Variants in CTNNA3 observed in about 807,000 individuals in gnomAD.
CTNNA3 encodes catenin alpha-3.
Under a neutral mutation model 95.7 loss-of-function variants are expected in CTNNA3, and 76 were observed. The ratio of observed to expected loss-of-function variants is 0.79; its 90% CI spans 0.66 to 0.96. The LOEUF is 0.96. Among genes scored for constraint, CTNNA3 ranks in the 40% least tolerant of loss-of-function variants. The probability of loss-of-function intolerance (pLI) is 0.00; values close to 1 mark genes in which losing one functional copy is unlikely to be tolerated. For missense variants in CTNNA3, 1,191 were observed against 1,089.8 expected (o/e 1.09, Z -1.31); for synonymous variants, 431 against 374.4 (o/e 1.15, Z -1.74).
intron 7 of CTNNA3, among the ~76,000 whole-genome samples, chr10:66,963,071 G>A (rs1456873593): frequency 6.6e-6 from 1 of 152,078 alleles, no homozygotes; most frequent in Non-Finnish European, 1.5e-5. Flanking sequence ...ACTTCTACTT[G>A]CCAAAACTAT....
At chr10:67,761,455 A>G (rs1474041630) in intron 1 of CTNNA3, among the ~76,000 whole-genome samples, 1 of 152,190 alleles carries the variant, frequency 6.6e-6, no homozygotes, top group Non-Finnish European at 1.5e-5. Flanking sequence ...ACTGCTCCCA[A>G]TCACATGCCC....
intron 13 of CTNNA3, among the ~76,000 whole-genome samples, chr10:66,115,914 C>G (rs545504812): frequency 2.6e-5 from 4 of 152,032 alleles, no homozygotes; most frequent in Non-Finnish European, 5.9e-5. Flanking sequence ...TAATTCAGAT[C>G]TATATTAGAC....
chr10:67,336,846 G>A (rs1842012768), intron 5 of CTNNA3, among the ~76,000 whole-genome samples: 1 of 152,122 alleles, frequency 6.6e-6, no homozygotes, highest in Non-Finnish European at 1.5e-5. Context: ...TTTGTTTATG[G>A]CATGGTATAC....
chr10:67,411,479 G>A (rs1383100814), intron 5 of CTNNA3, among the ~76,000 whole-genome samples: 1 of 152,000 alleles, frequency 6.6e-6, no homozygotes, highest in Non-Finnish European at 1.5e-5. Flanking sequence ...TTGGCTCTGT[G>A]TAGCAGCCCA....
chr10:66,015,121 A>AATC (rs2079069962), intron 15 of CTNNA3, among the ~76,000 whole-genome samples: 1 of 151,282 alleles, frequency 6.6e-6, no homozygotes, highest in Admixed American at 6.6e-5. Flanking sequence ...TAATAATAAT[A>AATC]ATAAAATAAA....
At chr10:67,427,426 A>T (rs935598960) in intron 5 of CTNNA3, among the ~76,000 whole-genome samples, 10 of 152,068 alleles carry the variant, frequency 6.6e-5, no homozygotes, top group Non-Finnish European at 1.5e-5. Flanking sequence ...GTTTGATATC[A>T]TTAAATAGCA....
intron 11 of CTNNA3, among the ~76,000 whole-genome samples, chr10:66,446,341 T>C (rs2093421196): frequency 6.6e-6 from 1 of 151,952 alleles, no homozygotes; most frequent in East Asian, 1.9e-4. Context: ...AGCATCATCC[T>C]GATACCAAAG....
chr10:66,736,405 C>T (rs889930856), intron 9 of CTNNA3, among the ~76,000 whole-genome samples: 1 of 151,496 alleles, frequency 6.6e-6, no homozygotes, highest in African/African-American at 2.4e-5. Flanking sequence ...GTTGCCCAGG[C>T]TGGTCTCGAA....
At chr10:67,193,648 A>G (rs923867914) in intron 6 of CTNNA3, among the ~76,000 whole-genome samples, 2 of 152,046 alleles carry the variant, frequency 1.3e-5, no homozygotes, top group Non-Finnish European at 2.9e-5. Flanking sequence ...AGCTCCATCC[A>G]TGTTCCTGCA....
chr10:66,816,465 T>C (rs1242803635), intron 7 of CTNNA3, among the ~76,000 whole-genome samples: 2 of 151,884 alleles, frequency 1.3e-5, no homozygotes, highest in Non-Finnish European at 2.9e-5. Flanking sequence ...AAGATACCAA[T>C]AGAATGAAAG....
intron 7 of CTNNA3, among the ~76,000 whole-genome samples, chr10:67,121,373 T>C (rs770266607): frequency 6.6e-6 from 1 of 152,006 alleles, no homozygotes; most frequent in Non-Finnish European, 1.5e-5. Flanking sequence ...CAAAACCAAT[T>C]TGATAGAGAA....
At chr10:67,587,613 C>CT (rs780546711) in intron 3 of CTNNA3, among the ~76,000 whole-genome samples, 27 of 152,048 alleles carry the variant, frequency 1.8e-4, no homozygotes, top group Non-Finnish European at 3.5e-4. Context: ...TGACTAGGGG[C>CT]TTTTCTCTTG....
intron 13 of CTNNA3, among the ~76,000 whole-genome samples, chr10:66,200,253 G>A (rs2087310711): frequency 6.6e-6 from 1 of 150,954 alleles, no homozygotes; most frequent in African/African-American, 2.4e-5. Context: ...GGGAGGGGAG[G>A]AGAGGGAAGG....
chr10:67,439,921 T>C (rs1589291495), intron 5 of CTNNA3, among the ~76,000 whole-genome samples: 1 of 152,134 alleles, frequency 6.6e-6, no homozygotes, highest in Non-Finnish European at 1.5e-5. Flanking sequence ...GTGGGAACTA[T>C]GGTGAAAAAT....
chr10:66,582,646 T>C (rs1212849721), intron 10 of CTNNA3, among the ~76,000 whole-genome samples: 2 of 151,848 alleles, frequency 1.3e-5, no homozygotes, highest in Non-Finnish European at 2.9e-5. Flanking sequence ...TCTTGTCTGA[T>C]TGCTCTGGCT....
At chr10:66,297,231 C>A (rs2091793858) in intron 12 of CTNNA3, among the ~76,000 whole-genome samples, 1 of 152,034 alleles carries the variant, frequency 6.6e-6, no homozygotes, top group East Asian at 1.9e-4. Context: ...ATTTTAAATT[C>A]ATCCTTGAAA....
chr10:67,727,745 C>A (rs1234505494), intron 1 of CTNNA3, among the ~76,000 whole-genome samples: 1 of 124,640 alleles, frequency 8.0e-6, no homozygotes, highest in African/African-American at 3.1e-5. Flanking sequence ...GAAGTCATAG[C>A]TTACTTATAT....
chr10:66,276,046 A>G (rs1410618672), intron 13 of CTNNA3, among the ~76,000 whole-genome samples: 1 of 152,182 alleles, frequency 6.6e-6, no homozygotes, highest in Non-Finnish European at 1.5e-5. Context: ...TGATTCATGT[A>G]AAAACAATTA....
At chr10:67,265,414 C>G (rs773281379) in intron 5 of CTNNA3, among the ~76,000 whole-genome samples, 35 of 152,080 alleles carry the variant, frequency 2.3e-4, no homozygotes, top group Admixed American at 6.6e-5. Context: ...AGATTTTCAG[C>G]ATATTTGCAA....
Sources: gnomAD v4.1 joint callset for allele counts (sites outside exome capture counted in the v4.1 genomes callset) on GRCh38, gnomAD v4.1.1 for gene constraint, MANE v1.5 for transcripts, NCBI Gene and HGNC (gene_info 2026-07-23, HGNC 2026-07-21) for gene names.